Variants in ABLIM2 observed in about 807,000 individuals in gnomAD.
ABLIM2 encodes the protein actin-binding LIM protein 2.
Under a neutral mutation model 97.7 loss-of-function variants are expected in ABLIM2, and 53 were observed. That is an observed-to-expected ratio of 0.54 (90% CI 0.44 to 0.68). ABLIM2 has a LOEUF of 0.68. ABLIM2 is among the 30% of genes least tolerant of loss of function. ABLIM2 has a pLI of 0.00. For synonymous variants in ABLIM2, 361 were observed against 345.8 expected, an observed-to-expected ratio of 1.04 and a Z score of -0.49; for missense variants, 835 against 867.2, an observed-to-expected ratio of 0.96 and a Z score of 0.47.
chr4:8,024,105 T>C (rs1415471840), intron 12 of ABLIM2, among the ~76,000 whole-genome samples: 1 of 152,030 alleles, frequency 6.6e-6, no homozygotes, highest in Non-Finnish European at 1.5e-5. Flanking sequence ...GCTGCCGGGG[T>C]CTGGGCAGTG....
chr4:8,158,611 G>A (rs997312681), intron 1 of ABLIM2, 69 bp downstream of exon 1: 3 of 1,494,256 alleles, frequency 2.0e-6, no homozygotes, highest in Admixed American at 2.1e-5. Context: ...GCCTCCGAAT[G>A]CCACCCAGCC....
At chr4:8,013,240 T>TTTGGGTG (rs1766312046) in intron 14 of ABLIM2, among the ~76,000 whole-genome samples, 1 of 145,854 alleles carries the variant, frequency 6.9e-6, no homozygotes, top group African/African-American at 2.6e-5. Context: ...TTTTTTTTTT[T>TTTGGGTG]GAGATGGATT....
chr4:8,064,627 C>G (rs578055217), intron 6 of ABLIM2, among the ~76,000 whole-genome samples: 1 of 152,210 alleles, frequency 6.6e-6, no homozygotes, highest in Non-Finnish European at 1.5e-5. Context: ...GCCGCACCCT[C>G]GTGTCCTGAA....
chr4:8,049,451 C>T (rs1057420413), intron 8 of ABLIM2, among the ~76,000 whole-genome samples: 3 of 152,170 alleles, frequency 2.0e-5, no homozygotes, highest in Non-Finnish European at 2.9e-5. Context: ...ATCCACTTGG[C>T]CAGGGCATGC....
intron 1 of ABLIM2, among the ~76,000 whole-genome samples, chr4:8,143,403 GA>G (rs1159073828): frequency 6.6e-6 from 1 of 152,160 alleles, no homozygotes; most frequent in African/African-American, 2.4e-5. Flanking sequence ...ACAAAAGGCA[GA>G]TAGCACTGTG....
intron 1 of ABLIM2, among the ~76,000 whole-genome samples, chr4:8,109,272 C>T (rs1839132739): frequency 6.6e-6 from 1 of 152,212 alleles, no homozygotes; most frequent in Non-Finnish European, 1.5e-5. Context: ...GGGCATGGCC[C>T]ACCTGGTTGC....
intron 1 of ABLIM2, among the ~76,000 whole-genome samples, chr4:8,135,554 C>T (rs903489871): frequency 2.6e-5 from 4 of 152,216 alleles, no homozygotes; most frequent in South Asian, 2.1e-4. Context: ...AGTGAGAAGA[C>T]GTCATTGATG....
chr4:8,002,503 C>T lies in ABLIM2; in HGVS notation c.1618+5556G>A, dbSNP rs1382996819. 6.6e-6 allele frequency among the ~76,000 whole-genome samples: 1 copy of T among 152,200 alleles called. No homozygotes were observed. Among genetic ancestry groups the T allele is most frequent in the Non-Finnish European group, 1.5e-5 (1 of 68,040 alleles). ...CAGCTGCCTTCTGATGTTTTAAACACAGAAAATGCAACATCTCCTGTCACG... is the reference window on the plus strand; with the variant it reads ...CAGCTGCCTTCTGATGTTTTAAACATAGAAAATGCAACATCTCCTGTCACG... On this transcript the variant is annotated intron_variant, in intron 16 of 20. Transcript: ENST00000447017. The surrounding 1 kb of genome is among the most constrained non-coding windows in gnomAD (Gnocchi z 6.1).
Position 8,046,728 on chromosome 4 carries a change from C to T in ABLIM2, c.823-1487G>A, listed in dbSNP as rs1414573311. Among the ~76,000 whole-genome samples the T allele has an allele frequency of 6.6e-6, 1 of 152,190 alleles. No homozygotes were observed. Among genetic ancestry groups the T allele is most frequent in the Non-Finnish European group, 1.5e-5 (1 of 68,040 alleles). On this transcript the variant is annotated intron_variant, in intron 8 of 20. Transcript: ENST00000447017. The surrounding 1 kb of genome is among the most constrained non-coding windows in gnomAD (Gnocchi z 4.4). ...ACATTCGTAGGTTGAATCCTAACCC[C>T]CAGGACCTCAGAATGTGGCTGTATT...
At chr4:7,975,015 T>C (rs574708592) in intron 20 of ABLIM2, among the ~76,000 whole-genome samples, 9 of 152,280 alleles carry the variant, frequency 5.9e-5, no homozygotes, top group African/African-American at 2.2e-4. Context: ...GCCCAGGAAT[T>C]TGAGACCAGC....
intron 3 of ABLIM2, 129 bp from the exon 4 acceptor site, chr4:8,088,413 A>T: frequency 1.5e-6 from 1 of 686,830 alleles, no homozygotes; most frequent in East Asian, 2.8e-5. Context: ...TCACAGGCTG[A>T]GGAAATGCAG....
chr4:8,127,766 G>A lies in ABLIM2; in HGVS notation c.11-21129C>T, dbSNP rs956256074. ...AGAGCCAAGCCCTTCCCGGCACACTGAAATAGACTCCCGCCACACTATGCG... is the reference window on the plus strand; with the variant it reads ...AGAGCCAAGCCCTTCCCGGCACACTAAAATAGACTCCCGCCACACTATGCG... On this transcript the variant is annotated intron_variant, in intron 1 of 20. Coordinates refer to ENST00000447017, the MANE Select transcript of ABLIM2 (RefSeq NM_001130083.2). The surrounding 1 kb of genome is among the most constrained non-coding windows in gnomAD (Gnocchi z 7.3). 1 of 952,602 alleles carries A rather than the reference G, an allele frequency of 1.0e-6. No individual in the cohort carries two copies. Among genetic ancestry groups the A allele is most frequent in the African/African-American group, 1.8e-5 (1 of 55,968 alleles). 59.0% of individuals were successfully genotyped at this position (952,602 alleles called of 1,614,324 possible). A position where few individuals can be genotyped will look rare whatever the true frequency, so the allele number is the denominator to read the frequency against.
rs1300924780 is a variant in ABLIM2, at chr4:8,148,064, A to G, written c.10+10616T>C. Among the ~76,000 whole-genome samples the G allele has an allele frequency of 4.6e-5, 7 of 152,362 alleles. No individual in the cohort carries two copies. In the East Asian group the frequency reaches 1.4e-3, roughly 29 times the overall value. ...CTGAGGCCCAGGTGGGCAGGCAACA[A>G]GGGATAGTGGCCCGACCTTGCTGGG... On this transcript the variant is annotated intron_variant, in intron 1 of 20. Transcript: ENST00000447017. This position sits in a 1 kb window ranked among gnomAD's most constrained non-coding sequence, Gnocchi z 6.7.
At chr4:7,981,836 A>G (rs1348232895) in intron 20 of ABLIM2, among the ~76,000 whole-genome samples, 9 of 152,150 alleles carry the variant, frequency 5.9e-5, no homozygotes, top group Admixed American at 3.9e-4. Flanking sequence ...ACAGCTCAAG[A>G]GCACCCAGCC....
At chr4:8,017,837 C>T (rs1327232928) in intron 14 of ABLIM2, among the ~76,000 whole-genome samples, 1 of 151,918 alleles carries the variant, frequency 6.6e-6, no homozygotes, top group Non-Finnish European at 1.5e-5. Flanking sequence ...ACTAAAAATA[C>T]AAAAAAATTA....
Position 8,069,939 on chromosome 4 carries a change from C to T in ABLIM2, c.675+7689G>A, listed in dbSNP as rs909575399. On this transcript the variant is annotated intron_variant, in intron 6 of 20. Coordinates refer to ENST00000447017, the MANE Select transcript of ABLIM2 (RefSeq NM_001130083.2). This position sits in a 1 kb window ranked among gnomAD's most constrained non-coding sequence, Gnocchi z 4.2. Reference sequence around the variant, plus strand: ...GTGTTTCTTTCTGTGTGTTTATTTCCATGTGTGTTGTTTGTGTGCCTAAGC... The same window carrying T: ...GTGTTTCTTTCTGTGTGTTTATTTCTATGTGTGTTGTTTGTGTGCCTAAGC... Among the ~76,000 whole-genome samples, 1 of 151,644 alleles carries T rather than the reference C, an allele frequency of 6.6e-6. No homozygotes were observed. Among genetic ancestry groups the T allele is most frequent in the African/African-American group, 2.4e-5 (1 of 41,246 alleles).
chr4:8,073,384 T>C (rs1366367397), intron 6 of ABLIM2, among the ~76,000 whole-genome samples: 2 of 151,118 alleles, frequency 1.3e-5, no homozygotes, highest in African/African-American at 4.9e-5. Flanking sequence ...TCCAGGACAG[T>C]GTGGAAGGTC....
intron 1 of ABLIM2, among the ~76,000 whole-genome samples, chr4:8,153,963 CTTTTTT>C (rs55681745): frequency 1.9e-4 from 25 of 131,874 alleles, no homozygotes; most frequent in Non-Finnish European, 3.4e-4. Flanking sequence ...AACTTCTTTT[CTTTTTT>C]TTTTTTTTTT....
In ABLIM2 at chr4:8,097,097, A is replaced by C; in HGVS notation, c.338+2T>G. The stretch of plus-strand genomic sequence containing the variant: ...GCAGAGGCCAGGTGCCCACTTACTC[A>C]CCGGCAGACGGCACACACGAAGCAG... On this transcript the variant is annotated splice_donor_variant, in intron 3 of 20. Coordinates refer to ENST00000447017, the MANE Select transcript of ABLIM2 (RefSeq NM_001130083.2). LOFTEE classifies it high-confidence loss of function. 2 of 1,601,066 alleles carry C rather than the reference A, an allele frequency of 1.2e-6. No individual in the cohort carries two copies. Among genetic ancestry groups the C allele is most frequent in the Non-Finnish European group, 1.7e-6 (2 of 1,172,434 alleles).
Sources: allele counts gnomAD v4.1 joint callset (sites outside exome capture counted in the v4.1 genomes callset), GRCh38; gene constraint gnomAD v4.1.1; non-coding constraint Gnocchi (gnomAD v3.1); transcripts MANE v1.5; gene names NCBI Gene and HGNC (gene_info 2026-07-23, HGNC 2026-07-21).